The following RGS6 variants were observed in gnomAD, a reference collection of about 807,000 sequenced individuals.
RGS6 encodes regulator of G protein signaling 6.
A neutral mutation model predicts 78.5 loss-of-function variants in RGS6; 30 were observed. That is an observed-to-expected ratio of 0.38 (90% CI 0.29 to 0.52). The LOEUF is 0.52. RGS6 is among the 20% of genes least tolerant of loss of function. RGS6 has a pLI of 0.85. For synonymous variants in RGS6, 206 were observed against 206.0 expected (o/e 1.00, Z 0.00); for missense variants, 495 against 609.7 (o/e 0.81, Z 1.98).
the RGS6 span, among the ~76,000 whole-genome samples, chr14:71,895,817 C>T: frequency 6.6e-6 from 1 of 152,158 alleles, no homozygotes; most frequent in African/African-American, 2.4e-5. Context: ...AACAGGGCTC[C>T]ATGGCAGGCG....
rs2095095887 is a variant in RGS6, at chr14:72,087,522, G to A, written c.84+122647G>A. Reference sequence around the variant, plus strand: ...AATAAACTATAGATACATACAACATGGGTCAGTCTTACTAATGACTGTGAG... The same window carrying A: ...AATAAACTATAGATACATACAACATAGGTCAGTCTTACTAATGACTGTGAG... On this transcript the variant is annotated intron_variant, in intron 2 of 17. Transcript: ENST00000553525. Among the ~76,000 whole-genome samples, 3 of 152,074 alleles carry A rather than the reference G, an allele frequency of 2.0e-5. 1 individual carries two copies. The South Asian group carries it at 6.2e-4, about 31-fold the overall frequency.
At position 72,492,977 on chromosome 14, in the gene RGS6, A is replaced by G. The variant is rs544689923; in HGVS notation, c.855-2175A>G. On this transcript the variant is annotated intron_variant, in intron 12 of 17. Transcript: ENST00000553525. ...TAGGCCCTGCAGAAAAAGCTTGCCA[A>G]TGCCTGCCCTAGGGAAAAATAGACG... 9.8e-5 allele frequency among the ~76,000 whole-genome samples: 15 copies of G among 152,296 alleles called. No individual in the cohort carries two copies. The South Asian group carries it at 2.5e-3, about 25-fold the overall frequency.
At chr14:72,011,877 C>CAGGGT (rs1331224594) in intron 2 of RGS6, among the ~76,000 whole-genome samples, 1 of 152,026 alleles carries the variant, frequency 6.6e-6, no homozygotes, top group Non-Finnish European at 1.5e-5. Flanking sequence ...TATTGTTTCT[C>CAGGGT]AGGGTTTGTG....
At chr14:72,457,308 T>C (rs1566895256) in intron 4 of RGS6, among the ~76,000 whole-genome samples, 1 of 152,224 alleles carries the variant, frequency 6.6e-6, no homozygotes, top group Non-Finnish European at 1.5e-5. Context: ...AAATTAATAA[T>C]TGCTAGAGGC....
chr14:72,292,401 G>C (rs2152334898), intron 2 of RGS6, among the ~76,000 whole-genome samples: 1 of 152,302 alleles, frequency 6.6e-6, no homozygotes, highest in African/African-American at 2.4e-5. Context: ...GGCTGGACAG[G>C]AGAAATTCAG....
At chr14:71,985,808 T>G (rs1179360545) in intron 2 of RGS6, among the ~76,000 whole-genome samples, 1 of 152,214 alleles carries the variant, frequency 6.6e-6, no homozygotes, top group African/African-American at 2.4e-5. Flanking sequence ...TTGGAACCCT[T>G]CCAAGACATT....
At chr14:71,899,247 G>A in the RGS6 span, among the ~76,000 whole-genome samples, 1 of 152,198 alleles carries the variant, frequency 6.6e-6, no homozygotes, top group South Asian at 2.1e-4. Flanking sequence ...CACTGTTCAA[G>A]AACTAGCTTG....
At chr14:72,412,137 G>A (rs993907834) in intron 3 of RGS6, among the ~76,000 whole-genome samples, 3 of 152,196 alleles carry the variant, frequency 2.0e-5, no homozygotes, top group African/African-American at 7.2e-5. Flanking sequence ...GTTTCAGAAG[G>A]AATGGTACCA....
At chr14:72,474,174 T>G (rs1462829897) in intron 9 of RGS6, 1 of 152,992 alleles carries the variant, frequency 6.5e-6, no homozygotes, top group Non-Finnish European at 1.5e-5. Flanking sequence ...TGACTGTATT[T>G]CTGATTTCAC....
intron 1 of RGS6, 54 bp from the exon 2 acceptor site, chr14:71,964,718 C>A (rs2093414159): frequency 9.8e-6 from 12 of 1,220,036 alleles, no homozygotes; most frequent in Non-Finnish European, 1.4e-5. Flanking sequence ...CATTTCAAAG[C>A]CCTCTTTATA....
At chr14:72,300,034 T>C (rs1336828003) in intron 2 of RGS6, among the ~76,000 whole-genome samples, 1 of 152,150 alleles carries the variant, frequency 6.6e-6, no homozygotes, top group Non-Finnish European at 1.5e-5. Context: ...TTACCCTGAG[T>C]TTAATTTGCT....
chr14:72,613,010 G>GTC, the RGS6 span, among the ~76,000 whole-genome samples: 2 of 151,828 alleles, frequency 1.3e-5, no homozygotes, highest in African/African-American at 4.8e-5. Flanking sequence ...GTGTGTGTGT[G>GTC]TGTGTGTGTG....
intron 2 of RGS6, among the ~76,000 whole-genome samples, chr14:72,301,973 C>T (rs1325023075): frequency 1.3e-5 from 2 of 152,142 alleles, no homozygotes; most frequent in African/African-American, 4.8e-5. Context: ...TGATAACATG[C>T]TGCTTATAGG....
chr14:71,923,490 G>T, the RGS6 span, among the ~76,000 whole-genome samples: 11 of 152,158 alleles, frequency 7.2e-5, no homozygotes, highest in Admixed American at 5.2e-4. Flanking sequence ...GGAGGCTGAG[G>T]TGAGAGGATT....
At chr14:72,395,588 T>C (rs1242041860) in intron 3 of RGS6, among the ~76,000 whole-genome samples, 1 of 152,116 alleles carries the variant, frequency 6.6e-6, no homozygotes, top group African/African-American at 2.4e-5. Flanking sequence ...AACATGCAGG[T>C]TTGTTACATA....
intron 2 of RGS6, among the ~76,000 whole-genome samples, chr14:72,346,242 C>T (rs961708940): frequency 2.0e-5 from 3 of 152,102 alleles, no homozygotes; most frequent in Non-Finnish European, 4.4e-5. Context: ...AACATCTCCA[C>T]TGGGGAAAAA....
intron 3 of RGS6, among the ~76,000 whole-genome samples, chr14:72,396,180 C>G (rs2091215577): frequency 6.6e-6 from 1 of 152,190 alleles, no homozygotes; most frequent in African/African-American, 2.4e-5. Context: ...TTCTCCACAT[C>G]CTCTCCAGCA....
At chr14:72,268,648 T>C (rs1419901923) in intron 2 of RGS6, among the ~76,000 whole-genome samples, 2 of 152,226 alleles carry the variant, frequency 1.3e-5, no homozygotes, top group Non-Finnish European at 2.9e-5. Flanking sequence ...TCGTGCCTTC[T>C]AATGGACTTT....
Position 72,249,778 on chromosome 14 carries a change from GACACATGC to G in RGS6, c.85-102312_85-102305del, listed in dbSNP as rs1323706552. ...CTGTGAGAAAAAAAAGTACTATAAA[GACACATGC>G]ACACGTATGTTTATTGCGGCATTAT... On this transcript the variant is annotated intron_variant, in intron 2 of 17. Coordinates refer to ENST00000553525, the MANE Select transcript of RGS6 (RefSeq NM_001204424.2). Among the ~76,000 whole-genome samples, 3 of 152,046 alleles carry G rather than the reference GACACATGC, an allele frequency of 2.0e-5. No homozygotes were observed. In the East Asian group the frequency reaches 5.8e-4, roughly 29 times the overall value.
Sources: allele counts gnomAD v4.1 joint callset (sites outside exome capture counted in the v4.1 genomes callset), GRCh38; gene constraint gnomAD v4.1.1; transcripts MANE v1.5; gene names NCBI Gene and HGNC (gene_info 2026-07-23, HGNC 2026-07-21).